The following EVC2 variants were observed in gnomAD, a reference collection of about 807,000 sequenced individuals.
EVC2 encodes the protein limbin.
EVC2 carries 148 observed loss-of-function variants against 149.3 expected under a neutral mutation model. The ratio of observed to expected loss-of-function variants is 0.99; its 90% CI spans 0.87 to 1.14. The LOEUF (loss-of-function observed/expected upper bound fraction) is 1.14. Ranked by LOEUF, EVC2 falls within the 50% of genes most tolerant of loss-of-function variation. EVC2 has a pLI of 0.00. For synonymous variants in EVC2, 776 were observed against 649.9 expected, an observed-to-expected ratio of 1.19 and a Z score of -2.95; for missense variants, 1,854 against 1,627.3, an observed-to-expected ratio of 1.14 and a Z score of -2.40.
chr4:5,668,630 A>T (rs1719431455), intron 7 of EVC2, among the ~76,000 whole-genome samples: 1 of 152,160 alleles, frequency 6.6e-6, no homozygotes, highest in Admixed American at 6.6e-5. Flanking sequence ...AACTAAAAAA[A>T]ATCTGTCTGT....
chr4:5,566,127 G>A (rs983540445), intron 20 of EVC2, among the ~76,000 whole-genome samples: 8 of 152,250 alleles, frequency 5.3e-5, no homozygotes, highest in Non-Finnish European at 8.8e-5. Context: ...GGAAAGTACA[G>A]GCGAAGCCTG....
At chr4:5,683,271 T>C (rs896448599) in intron 6 of EVC2, among the ~76,000 whole-genome samples, 4 of 152,222 alleles carry the variant, frequency 2.6e-5, no homozygotes, top group Non-Finnish European at 4.4e-5. Flanking sequence ...CAGGGTCTCC[T>C]GAGCTGGAGC....
At chr4:5,539,784 C>T (rs1400956931), downstream of EVC2, among the ~76,000 whole-genome samples, 1 of 151,978 alleles carries the variant, frequency 6.6e-6, no homozygotes, top group East Asian at 1.9e-4. Flanking sequence ...AAAACACACA[C>T]ACACACACAC....
downstream of EVC2, among the ~76,000 whole-genome samples, chr4:5,541,040 T>C (rs1251571869): frequency 6.6e-6 from 1 of 152,234 alleles, no homozygotes; most frequent in African/African-American, 2.4e-5. Context: ...AATTTTTAAA[T>C]TTTAATTTTA....
intron 19 of EVC2, among the ~76,000 whole-genome samples, chr4:5,570,666 G>A (rs1410326312): frequency 1.3e-5 from 2 of 152,148 alleles, no homozygotes; most frequent in Non-Finnish European, 2.9e-5. Context: ...AGGAAAATAA[G>A]TTATTATATG....
At chr4:5,597,454 C>T (rs1350934686) in intron 16 of EVC2, among the ~76,000 whole-genome samples, 18 of 151,486 alleles carry the variant, frequency 1.2e-4, no homozygotes, top group Admixed American at 1.1e-3. Context: ...TAAACAGAAC[C>T]AAAGACAAAA....
At chr4:5,532,790 A>G in the EVC2 span, among the ~76,000 whole-genome samples, 6 of 151,828 alleles carry the variant, frequency 4.0e-5, no homozygotes, top group African/African-American at 1.5e-4. Context: ...CATTGATCGA[A>G]TCTGTTTCCT....
At chr4:5,649,457 T>G (rs1717958093) in intron 9 of EVC2, among the ~76,000 whole-genome samples, 1 of 152,206 alleles carries the variant, frequency 6.6e-6, no homozygotes, top group South Asian at 2.1e-4. Context: ...AATATTTTGA[T>G]TAGCTACTAA....
chr4:5,657,913 G>C lies in EVC2; in HGVS notation c.1145+5194C>G, dbSNP rs1446274954. On this transcript the variant is annotated intron_variant, in intron 9 of 21. Transcript: ENST00000344408. This position sits in a 1 kb window ranked among gnomAD's most constrained non-coding sequence, Gnocchi z 4.7. ...CCCACCCTGGCCTGGTCCTCTTTTG[G>C]GTCCTCAAATGTCCACATCCCTTCC... Among the ~76,000 whole-genome samples the C allele has an allele frequency of 6.6e-6, 1 of 151,848 alleles. No individual in the cohort carries two copies. Among genetic ancestry groups the C allele is most frequent in the African/African-American group, 2.4e-5 (1 of 41,318 alleles).
Position 5,708,386 on chromosome 4 carries a change from C to G in EVC2, c.128G>C (p.Gly43Ala). 6.7e-7 allele frequency: 1 copy of G among 1,495,392 alleles called. No individual in the cohort carries two copies. Among genetic ancestry groups the G allele is most frequent in the Non-Finnish European group, 8.9e-7 (1 of 1,129,754 alleles). 92.6% of individuals were successfully genotyped at this position (1,495,392 alleles called of 1,614,324 possible). A position where few individuals can be genotyped will look rare whatever the true frequency, so the allele number is the denominator to read the frequency against. Residue 43 changes from glycine to alanine, a missense_variant, in exon 1 of 22, where the codon GGC becomes GCC. By Grantham distance (60) the Gly-to-Ala change is moderately conservative (BLOSUM62 0). Transcript: ENST00000344408. ...ASSRPRWRPL[G>A]AQPPRDPQVA... ...CTGGGGATCCCGGGGTGGCTGCGCG[C>G]CGAGGGGGCGCCAGCGGGGACGTGA...
chr4:5,615,579 G>A (rs1238944033), intron 15 of EVC2, 35 bp from the exon 16 acceptor site: 14 of 1,613,800 alleles, frequency 8.7e-6, no homozygotes, highest in African/African-American at 1.3e-5. Context: ...GGGTAAGAAG[G>A]CAATCACCAG....
At chr4:5,600,553 A>T (rs1577141815) in intron 16 of EVC2, among the ~76,000 whole-genome samples, 1 of 152,170 alleles carries the variant, frequency 6.6e-6, no homozygotes. Context: ...GGGGGAAATG[A>T]GAGAGGAAAC....
chr4:5,666,847 G>C (rs1719315786), intron 7 of EVC2, among the ~76,000 whole-genome samples: 1 of 152,056 alleles, frequency 6.6e-6, no homozygotes, highest in Non-Finnish European at 1.5e-5. Flanking sequence ...AGTTCGTTTG[G>C]AGAAGATGCT....
chr4:5,575,540 C>T (rs547036120), intron 18 of EVC2, among the ~76,000 whole-genome samples: 5 of 152,184 alleles, frequency 3.3e-5, no homozygotes, highest in Non-Finnish European at 5.9e-5. Context: ...GCCCAGAAAT[C>T]ACATCCACTG....
At chr4:5,629,349 C>T (rs1716360688) in intron 11 of EVC2, among the ~76,000 whole-genome samples, 1 of 152,204 alleles carries the variant, frequency 6.6e-6, no homozygotes, top group East Asian at 1.9e-4. Flanking sequence ...TCCCATTTCA[C>T]AGATGAGGAA....
Position 5,646,584 on chromosome 4 carries a change from C to T in EVC2, c.1146-5746G>A, listed in dbSNP as rs77114444. On this transcript the variant is annotated intron_variant, in intron 9 of 21. Coordinates refer to ENST00000344408, the MANE Select transcript of EVC2 (RefSeq NM_147127.5). ...AATTCTGTTACTCTGACATAAAGTT[C>T]ATAGAGATGTATAATTATTTCTCTT... is the stretch of plus-strand genomic sequence containing the variant. 4.5e-3 allele frequency among the ~76,000 whole-genome samples: 692 copies of T among 152,268 alleles called. 8 individuals are homozygous for T. The highest frequency in any genetic ancestry group is 0.016 in the African/African-American group (664 of 41,550).
At position 5,563,005 on chromosome 4, in the gene EVC2, A is replaced by G. The variant is rs1211848921; in HGVS notation, c.3770T>C (p.Ile1257Thr). The G allele has an allele frequency of 6.2e-7, 1 of 1,614,098 alleles. No homozygotes were observed. The highest frequency in any genetic ancestry group is 1.7e-5 in the Admixed American group (1 of 60,014). ...EPIGELAPVP[I>T]VGAETIDLLN... is the part of the protein sequence containing the mutation. ...TAGATCAATGGTTTCTGCCCCTACAATGGGTACAGGGGCCAGTTCGCCAAT... is the reference window on the plus strand; with the variant it reads ...TAGATCAATGGTTTCTGCCCCTACAGTGGGTACAGGGGCCAGTTCGCCAAT... The change falls in exon 22 of 22, where the codon ATT (isoleucine) becomes ACT (threonine). Residue 1257 changes from isoleucine (I) to threonine (T), a missense_variant. Physicochemically the swap from Ile to Thr is moderately conservative, Grantham distance 89 (BLOSUM62 -1). Coordinates refer to ENST00000344408, the MANE Select transcript of EVC2 (RefSeq NM_147127.5).
At chr4:5,629,531 G>A (rs115319066) in intron 11 of EVC2, among the ~76,000 whole-genome samples, 1,604 of 152,304 alleles carry the variant, frequency 0.011, 18 homozygotes, top group Middle Eastern at 0.021. Flanking sequence ...TGGCTTCGTT[G>A]TCCTTTTTCT....
intron 7 of EVC2, 32 bp downstream of exon 7, chr4:5,681,228 T>C (rs763592162): frequency 6.2e-7 from 1 of 1,613,950 alleles, no homozygotes; most frequent in Non-Finnish European, 8.5e-7. Context: ...AGGTGTGTCC[T>C]GAGGGTGCTC....
Sources: allele counts gnomAD v4.1 joint callset (sites outside exome capture counted in the v4.1 genomes callset), GRCh38; gene constraint gnomAD v4.1.1; non-coding constraint Gnocchi (gnomAD v3.1); transcripts MANE v1.5; gene names NCBI Gene and HGNC (gene_info 2026-07-23, HGNC 2026-07-21).